The following PARVA variants were observed in gnomAD, a reference collection of about 807,000 sequenced individuals.
PARVA encodes the protein alpha-parvin.
PARVA carries 25 observed loss-of-function variants against 52.6 expected under a neutral mutation model. That is an observed-to-expected ratio of 0.48 (90% CI 0.35 to 0.66). PARVA has a LOEUF of 0.66. PARVA is among the 30% of genes least tolerant of loss of function. The pLI is 0.01. For missense variants in PARVA, 373 were observed against 450.9 expected, an observed-to-expected ratio of 0.83 and a Z score of 1.56; for synonymous variants, 185 against 179.1, an observed-to-expected ratio of 1.03 and a Z score of -0.26.
chr11:12,504,169 CG>C, intron 5 of PARVA, 144 bp from the exon 6 acceptor site: 1 of 622,908 alleles, frequency 1.6e-6, no homozygotes, highest in South Asian at 1.9e-5. Flanking sequence ...CCTCCAACAC[CG>C]GGGATTACAT....
chr11:12,513,447 C>A, intron 9 of PARVA, 87 bp downstream of exon 9: 1 of 1,170,476 alleles, frequency 8.5e-7, no homozygotes. Context: ...TGCGAGCTTC[C>A]TGCCAGAACT....
At position 12,473,749 on chromosome 11, in the gene PARVA, C is replaced by T. The variant is rs761599029; in HGVS notation, c.141C>T (p.Ser47=). ...CTGCTCTTCCTTTTCTTCCAGTGTC[C>T]GAGCTGCAGGAGGAGGGAATGAACG... The part of the protein sequence containing the change: ...LARRKKAKEV[S]ELQEEGMNAI... Residue 47 remains serine (S), a synonymous_variant, in exon 2 of 13, where the codon TCC becomes TCT. Coordinates refer to ENST00000334956, the MANE Select transcript of PARVA (RefSeq NM_018222.5). 7.1e-6 allele frequency: 11 copies of T among 1,560,116 alleles called. No individual in the cohort carries two copies. Among genetic ancestry groups the T allele is most frequent in the South Asian group, 2.4e-5 (2 of 84,536 alleles).
At chr11:12,519,880 A>G (rs1044034124) in intron 12 of PARVA, among the ~76,000 whole-genome samples, 6 of 152,044 alleles carry the variant, frequency 3.9e-5, no homozygotes, top group South Asian at 2.1e-4. Context: ...TGGCAAGGCC[A>G]CTCCAGCCTT....
chr11:12,410,921 A>G (rs1373034511), intron 1 of PARVA, among the ~76,000 whole-genome samples: 2 of 152,134 alleles, frequency 1.3e-5, no homozygotes, highest in East Asian at 3.8e-4. Flanking sequence ...TACCTGTATA[A>G]CCTCAGGCAA....
chr11:12,497,742 TCACTGTGTTC>T (rs1941316094), intron 5 of PARVA, among the ~76,000 whole-genome samples: 1 of 152,190 alleles, frequency 6.6e-6, no homozygotes, highest in African/African-American at 2.4e-5. Flanking sequence ...GGGCTCTGTT[TCACTGTGTTC>T]CAGGAATGCT....
At chr11:12,480,799 C>A (rs1941075812) in intron 4 of PARVA, 1 of 127,326 alleles carries the variant, frequency 7.9e-6, no homozygotes, top group African/African-American at 3.0e-5. Flanking sequence ...TGGAGGGAAC[C>A]AGTTTGCGGT....
intron 1 of PARVA, among the ~76,000 whole-genome samples, chr11:12,425,474 T>G (rs774018212): frequency 4.6e-5 from 7 of 152,172 alleles, no homozygotes; most frequent in African/African-American, 9.7e-5. Flanking sequence ...ATCTCCTCAT[T>G]GCCTCTTCCC....
chr11:12,440,021 G>A (rs1940440601), intron 1 of PARVA, among the ~76,000 whole-genome samples: 2 of 152,090 alleles, frequency 1.3e-5, no homozygotes, highest in South Asian at 2.1e-4. Flanking sequence ...ATGTTTCCTT[G>A]TTTGCCTTTC....
intron 1 of PARVA, among the ~76,000 whole-genome samples, chr11:12,427,701 G>A (rs1344572345): frequency 6.6e-6 from 1 of 152,150 alleles, no homozygotes; most frequent in Non-Finnish European, 1.5e-5. Flanking sequence ...GTTGAATAAG[G>A]TCAGAATGAA....
At chr11:12,440,186 A>C (rs577276419) in intron 1 of PARVA, among the ~76,000 whole-genome samples, 1 of 152,330 alleles carries the variant, frequency 6.6e-6, no homozygotes, top group East Asian at 1.9e-4. Context: ...CCAACTGGCC[A>C]TTCATTCCAA....
At chr11:12,469,919 C>T (rs78577778) in intron 1 of PARVA, among the ~76,000 whole-genome samples, 14,545 of 152,104 alleles carry the variant, frequency 0.096, 865 homozygotes, top group South Asian at 0.18. Context: ...TTTAGGAGTC[C>T]TGGCTTCAAA....
upstream of PARVA, chr11:12,377,345 C>T: frequency 8.6e-7 from 1 of 1,156,880 alleles, no homozygotes; most frequent in South Asian, 2.1e-5. Flanking sequence ...CCGCTCCCAA[C>T]CTGGGCACAC....
intron 1 of PARVA, among the ~76,000 whole-genome samples, chr11:12,422,433 CTAGAG>C (rs1441270126): frequency 3.9e-5 from 6 of 152,194 alleles, no homozygotes; most frequent in South Asian, 4.1e-4. Flanking sequence ...GAGAGAAACA[CTAGAG>C]TAATGTACAA....
At chr11:12,508,117 A>C (rs1394405508) in intron 6 of PARVA, among the ~76,000 whole-genome samples, 48 of 124,034 alleles carry the variant, frequency 3.9e-4, no homozygotes, top group Admixed American at 1.8e-3. Context: ...AAAAAAAAAA[A>C]AAAAACCAAA....
chr11:12,460,386 C>T (rs781522999), intron 1 of PARVA, among the ~76,000 whole-genome samples: 2 of 152,012 alleles, frequency 1.3e-5, no homozygotes, highest in Non-Finnish European at 2.9e-5. Flanking sequence ...AATAATAGTA[C>T]CTACTCATTG....
chr11:12,402,275 G>C (rs1398971276), intron 1 of PARVA, among the ~76,000 whole-genome samples: 1 of 152,156 alleles, frequency 6.6e-6, no homozygotes, highest in African/African-American at 2.4e-5. Context: ...AGCAGAAACT[G>C]TGGCCCTCAG....
At chr11:12,527,301 G>GGGGGGAGGATGGGAGGATTA (rs1941716238) in intron 12 of PARVA, among the ~76,000 whole-genome samples, 1 of 151,180 alleles carries the variant, frequency 6.6e-6, no homozygotes, top group African/African-American at 2.4e-5. Flanking sequence ...TCAGAGGAAA[G>GGGGGGAGGATGGGAGGATTA]GAGGGAGGGA....
intron 1 of PARVA, among the ~76,000 whole-genome samples, chr11:12,406,565 G>A (rs181265108): frequency 3.7e-4 from 56 of 149,536 alleles, no homozygotes; most frequent in African/African-American, 1.3e-3. Context: ...CGTTCTACAA[G>A]AATTTGATAT....
At chr11:12,523,745 A>G (rs1048033891) in intron 12 of PARVA, among the ~76,000 whole-genome samples, 1 of 152,164 alleles carries the variant, frequency 6.6e-6, no homozygotes, top group African/African-American at 2.4e-5. Context: ...CAGAAGCCCC[A>G]TAGTCCTGGC....
Sources: gnomAD v4.1 joint callset for allele counts (sites outside exome capture counted in the v4.1 genomes callset) on GRCh38, gnomAD v4.1.1 for gene constraint, MANE v1.5 for transcripts, NCBI Gene and HGNC (gene_info 2026-07-23, HGNC 2026-07-21) for gene names.